PDE8A: variants seen among roughly 807,000 people sequenced by gnomAD.
PDE8A encodes the protein high affinity cAMP-specific and IBMX-insensitive 3',5'-cyclic phosphodiesterase 8A.
Under a neutral mutation model 105.0 loss-of-function variants are expected in PDE8A, and 59 were observed. The observed-to-expected ratio is 0.56, with a 90% CI of 0.46 to 0.70. PDE8A has a LOEUF of 0.70. Ranked by LOEUF, PDE8A falls within the 30% of genes least tolerant of loss-of-function variation. PDE8A has a pLI of 0.00. For synonymous variants in PDE8A, 355 were observed against 371.9 expected (o/e 0.95, Z 0.52); for missense variants, 1,014 against 1,045.9 (o/e 0.97, Z 0.42).
intron 11 of PDE8A, among the ~76,000 whole-genome samples, chr15:85,101,382 T>C (rs1183903656): frequency 1.3e-5 from 2 of 151,960 alleles, no homozygotes; most frequent in Non-Finnish European, 2.9e-5. Flanking sequence ...AGAAAAGAAA[T>C]GTGAGCGGGA....
At chr15:85,067,241 C>G in intron 3 of PDE8A, 37 bp downstream of exon 3, 1 of 1,447,864 alleles carries the variant, frequency 6.9e-7, no homozygotes, top group Non-Finnish European at 9.5e-7. Flanking sequence ...GTCCCATTGG[C>G]CTTTCTGACA....
At position 85,005,834 on chromosome 15, in the gene PDE8A, A is replaced by G. The variant is rs370450186; in HGVS notation, c.186+23486A>G. On this transcript the variant is annotated intron_variant, in intron 1 of 21. Transcript: ENST00000394553. Reference sequence around the variant, plus strand: ...CTTAAAAAATACATATAATAAGTTTAAAAAAAAAAGGAAATTGGGCCAAGG... The same window carrying G: ...CTTAAAAAATACATATAATAAGTTTGAAAAAAAAAGGAAATTGGGCCAAGG... Among the ~76,000 whole-genome samples the G allele has an allele frequency of 6.0e-5, 9 of 149,162 alleles. No homozygotes were observed. In the South Asian group the frequency reaches 6.4e-4, roughly 11 times the overall value.
intron 1 of PDE8A, among the ~76,000 whole-genome samples, chr15:85,019,085 G>GGTT (rs1453419898): frequency 6.6e-6 from 1 of 152,184 alleles, no homozygotes; most frequent in African/African-American, 2.4e-5. Context: ...TCTCTAAAGA[G>GGTT]GTTGCCCTTT....
At chr15:85,080,667 C>A (rs963279766) in intron 5 of PDE8A, among the ~76,000 whole-genome samples, 27 of 152,128 alleles carry the variant, frequency 1.8e-4, no homozygotes, top group Admixed American at 1.7e-3. Context: ...TTCTGTGGAC[C>A]AGAAAGAGCA....
intron 9 of PDE8A, among the ~76,000 whole-genome samples, chr15:85,098,477 G>A (rs1202256992): frequency 2.0e-5 from 3 of 152,158 alleles, no homozygotes; most frequent in Non-Finnish European, 1.5e-5. Context: ...AGATGTGACT[G>A]TAGATTGGAA....
chr15:85,081,009 A>G (rs2081456579), intron 5 of PDE8A, among the ~76,000 whole-genome samples: 1 of 152,210 alleles, frequency 6.6e-6, no homozygotes, highest in South Asian at 2.1e-4. Flanking sequence ...ACCACTAACT[A>G]ATTAGTGCTA....
chr15:85,098,808 A>C (rs2081804499), intron 9 of PDE8A, among the ~76,000 whole-genome samples: 1 of 152,048 alleles, frequency 6.6e-6, no homozygotes, highest in South Asian at 2.1e-4. Context: ...AAAAAATGTA[A>C]AAATTAGCTA....
chr15:85,106,652 T>C (rs1413379619), intron 11 of PDE8A, among the ~76,000 whole-genome samples: 1 of 152,168 alleles, frequency 6.6e-6, no homozygotes, highest in Admixed American at 6.5e-5. Context: ...GGGTGCAGTG[T>C]TGTGTCTCAG....
intron 1 of PDE8A, among the ~76,000 whole-genome samples, chr15:85,056,780 C>T (rs13379486): frequency 1.4e-3 from 219 of 152,044 alleles, no homozygotes; most frequent in African/African-American, 5.0e-3. Flanking sequence ...CGGAGAAGTT[C>T]GTTATTACCG....
intron 1 of PDE8A, among the ~76,000 whole-genome samples, chr15:84,998,853 A>G (rs13379950): frequency 8.5e-4 from 130 of 152,304 alleles, no homozygotes; most frequent in African/African-American, 3.0e-3. Context: ...GGCCAGCAGT[A>G]TTTTCAAAAG....
chr15:85,083,527 A>T lies in PDE8A; in HGVS notation c.547-29A>T, dbSNP rs753792746. The T allele has an allele frequency of 5.8e-6, 8 of 1,382,656 alleles. No homozygotes were observed. The Admixed American group carries it at 1.0e-4, about 18-fold the overall frequency. 85.6% of individuals were successfully genotyped at this position (1,382,656 alleles called of 1,614,324 possible). A position where few individuals can be genotyped will look rare whatever the true frequency, so the allele number is the denominator to read the frequency against. The stretch of plus-strand genomic sequence containing the variant: ...CACAAATAAAGAAGCACTTTTGTTT[A>T]TCCACAAAATTCCTCTTTCTGTTTG... On this transcript the variant is annotated intron_variant, in intron 5 of 21. Coordinates refer to ENST00000394553, the MANE Select transcript of PDE8A (RefSeq NM_002605.3).
At chr15:85,069,682 A>T (rs1395840358) in intron 3 of PDE8A, among the ~76,000 whole-genome samples, 1 of 152,192 alleles carries the variant, frequency 6.6e-6, no homozygotes, top group Non-Finnish European at 1.5e-5. Flanking sequence ...GGAACCAGTG[A>T]CAAGTAAGCA....
chr15:85,065,747 T>A (rs759044982), intron 2 of PDE8A, among the ~76,000 whole-genome samples: 9 of 152,228 alleles, frequency 5.9e-5, no homozygotes, highest in Non-Finnish European at 1.2e-4. Context: ...CCATTTTCAG[T>A]CTGCTTCTGA....
intron 1 of PDE8A, among the ~76,000 whole-genome samples, chr15:84,996,350 A>T (rs1485435515): frequency 6.6e-6 from 1 of 151,774 alleles, no homozygotes; most frequent in Non-Finnish European, 1.5e-5. Flanking sequence ...GCCGATTTTT[A>T]AAATTTTTAA....
chr15:85,121,135 C>T, intron 18 of PDE8A, 121 bp downstream of exon 18: 1 of 648,686 alleles, frequency 1.5e-6, no homozygotes. Flanking sequence ...ATACAGTGGG[C>T]CGGACATAGT....
chr15:85,131,205 T>C (rs1012287432), intron 20 of PDE8A, among the ~76,000 whole-genome samples: 4 of 152,240 alleles, frequency 2.6e-5, no homozygotes, highest in Non-Finnish European at 4.4e-5. Context: ...TTCTTGTAGA[T>C]AGAATGTAGT....
chr15:85,006,786 A>G (rs904303215), intron 1 of PDE8A, among the ~76,000 whole-genome samples: 8 of 151,968 alleles, frequency 5.3e-5, no homozygotes, highest in African/African-American at 1.9e-4. Context: ...GAATTAGGCT[A>G]CTGTATTGCG....
intron 8 of PDE8A, among the ~76,000 whole-genome samples, chr15:85,093,532 A>G (rs2081684947): frequency 6.6e-6 from 1 of 151,814 alleles, no homozygotes; most frequent in African/African-American, 2.4e-5. Flanking sequence ...GGGACCTTGG[A>G]GTGTCAGATG....
Position 84,982,297 on chromosome 15 carries a change from C to A in PDE8A, c.135C>A (p.Thr45=). 7.3e-7 allele frequency: 1 copy of A among 1,377,210 alleles called. No individual in the cohort carries two copies. Among genetic ancestry groups the A allele is most frequent in the Non-Finnish European group, 9.3e-7 (1 of 1,075,858 alleles). The allele number at this position is 1,377,210 out of a possible 1,614,324, so 85.3% of individuals were successfully genotyped here. A position where few individuals can be genotyped will look rare whatever the true frequency, so the allele number is the denominator to read the frequency against. ...QGQKTAALPR[T]RGAGLLESEL... ...AGAAGACGGCCGCCTTGCCCCGGAC[C>A]CGCGGCGCCGGCCTCTTGGAGTCGG... The change falls in exon 1 of 22, where the codon ACC becomes ACA. Residue 45 remains threonine, a synonymous_variant. Coordinates refer to ENST00000394553, the MANE Select transcript of PDE8A (RefSeq NM_002605.3).
Sources: gnomAD v4.1 joint callset for allele counts (sites outside exome capture counted in the v4.1 genomes callset) on GRCh38, gnomAD v4.1.1 for gene constraint, MANE v1.5 for transcripts, NCBI Gene and HGNC (gene_info 2026-07-23, HGNC 2026-07-21) for gene names.